The following ZNRF2 variants were observed in gnomAD, a reference collection of about 807,000 sequenced individuals.
ZNRF2 encodes the protein E3 ubiquitin-protein ligase ZNRF2.
In ZNRF2, 16 loss-of-function variants were observed where a neutral mutation model predicts 20.4. The ratio of observed to expected loss-of-function variants is 0.79; its 90% CI spans 0.53 to 1.19. ZNRF2 has a LOEUF of 1.19. Among genes scored for constraint, ZNRF2 ranks in the 50% most tolerant of loss-of-function variants. The pLI is 0.00. For synonymous variants in ZNRF2, 178 were observed against 144.9 expected (o/e 1.23, Z -1.64); for missense variants, 363 against 332.4 (o/e 1.09, Z -0.72).
intron 1 of ZNRF2, among the ~76,000 whole-genome samples, chr7:30,311,968 C>CA (rs1364243255): frequency 6.6e-6 from 1 of 152,008 alleles, no homozygotes; most frequent in African/African-American, 2.4e-5. Flanking sequence ...TTGACAATAA[C>CA]AAAAAATACT....
intron 2 of ZNRF2, among the ~76,000 whole-genome samples, chr7:30,342,390 G>A (rs1180185761): frequency 2.0e-5 from 3 of 152,072 alleles, no homozygotes; most frequent in South Asian, 4.1e-4. Flanking sequence ...CATATTTAGT[G>A]CTTCCTTCAG....
chr7:30,353,905 G>GT (rs1366340680), intron 2 of ZNRF2, among the ~76,000 whole-genome samples: 2 of 152,088 alleles, frequency 1.3e-5, no homozygotes, highest in Non-Finnish European at 2.9e-5. Context: ...GAAAAAATAC[G>GT]TAAGTGGTGA....
At chr7:30,352,416 T>C (rs141662686) in intron 2 of ZNRF2, among the ~76,000 whole-genome samples, 84 of 152,188 alleles carry the variant, frequency 5.5e-4, no homozygotes, top group African/African-American at 1.9e-3. Flanking sequence ...ATCATTGCTC[T>C]TTTCCAGTCT....
intron 1 of ZNRF2, among the ~76,000 whole-genome samples, chr7:30,295,398 T>TGTAC (rs1476116332): frequency 1.3e-5 from 2 of 152,174 alleles, no homozygotes; most frequent in African/African-American, 4.8e-5. Flanking sequence ...TTAGTTCCTC[T>TGTAC]GTACCTCCGT....
intron 1 of ZNRF2, among the ~76,000 whole-genome samples, chr7:30,301,199 G>C (rs1346234693): frequency 6.6e-6 from 1 of 152,100 alleles, no homozygotes; most frequent in Non-Finnish European, 1.5e-5. Flanking sequence ...AGCTAGGAAA[G>C]GGGCCAGGTG....
chr7:30,285,786 C>G lies in ZNRF2; in HGVS notation c.429C>G (p.Ile143Met). The G allele has an allele frequency of 2.0e-6, 3 of 1,514,622 alleles. No individual in the cohort carries two copies. Among genetic ancestry groups the G allele is most frequent in the Non-Finnish European group, 2.6e-6 (3 of 1,140,480 alleles). 93.8% of individuals were successfully genotyped at this position (1,514,622 alleles called of 1,614,324 possible). The change falls in exon 1 of 5, where the codon ATC becomes ATG. Residue 143 changes from isoleucine (I) to methionine (M), a missense_variant. Around this residue, in one of 2 missense-constraint regions of ZNRF2, gnomAD observed 302 missense variants for 231.5 expected, o/e 1.30. Coordinates refer to ENST00000323037, the MANE Select transcript of ZNRF2 (RefSeq NM_147128.4). ...GCCCCGGCGGGCCGCGCCTGGTGAT[C>G]GGCTCCTTACCAGCTCACCTCTCGC... is the stretch of plus-strand genomic sequence containing the variant. ...GGSPGGPRLV[I>M]GSLPAHLSPH...
At chr7:30,305,558 T>C (rs920644433) in intron 1 of ZNRF2, among the ~76,000 whole-genome samples, 1 of 152,176 alleles carries the variant, frequency 6.6e-6, no homozygotes, top group African/African-American at 2.4e-5. Context: ...ACCCAGAATT[T>C]ATCTTTCTTG....
At chr7:30,342,731 G>C (rs73687805) in intron 2 of ZNRF2, among the ~76,000 whole-genome samples, 1 of 152,000 alleles carries the variant, frequency 6.6e-6, no homozygotes. Flanking sequence ...TTTTTCAGCA[G>C]AAGTATACAA....
intron 1 of ZNRF2, among the ~76,000 whole-genome samples, chr7:30,288,183 C>T (rs535820154): frequency 1.3e-5 from 2 of 152,322 alleles, no homozygotes; most frequent in East Asian, 3.9e-4. Context: ...GACTAGTTCA[C>T]ATTTACTTAA....
rs1419517059 is a variant in ZNRF2, at chr7:30,295,074, T to A, written c.469+9248T>A. 5.3e-4 allele frequency among the ~76,000 whole-genome samples: 76 copies of A among 144,598 alleles called. 4 individuals are homozygous for A. The highest frequency in any genetic ancestry group is 1.6e-3 in the African/African-American group (61 of 37,014). The allele number at this position is 144,598 out of a possible 152,430, so 94.9% of individuals were successfully genotyped here. On this transcript the variant is annotated intron_variant, in intron 1 of 4. Coordinates refer to ENST00000323037, the MANE Select transcript of ZNRF2 (RefSeq NM_147128.4). Reference sequence around the variant, plus strand: ...GAGTGTGTGTGTGTGTGTGTGTGTGTGTGTGTGTGTGTGTGTGTGTGTGTG... The same window carrying A: ...GAGTGTGTGTGTGTGTGTGTGTGTGAGTGTGTGTGTGTGTGTGTGTGTGTG...
intron 3 of ZNRF2, among the ~76,000 whole-genome samples, chr7:30,357,274 G>A (rs73081555): frequency 9.2e-5 from 14 of 152,102 alleles, no homozygotes; most frequent in Non-Finnish European, 1.8e-4. Flanking sequence ...AAAGCAAATC[G>A]CAGCAAAGTA....
intron 2 of ZNRF2, among the ~76,000 whole-genome samples, chr7:30,339,354 C>G (rs1799761631): frequency 6.6e-6 from 1 of 152,178 alleles, no homozygotes; most frequent in South Asian, 2.1e-4. Flanking sequence ...TGCCGATGTT[C>G]TGAATGGTAT....
chr7:30,310,440 G>A (rs1015354694), intron 1 of ZNRF2, among the ~76,000 whole-genome samples: 2 of 152,140 alleles, frequency 1.3e-5, no homozygotes, highest in Non-Finnish European at 2.9e-5. Context: ...AAATATTTCA[G>A]GCTTTGCAGA....
Position 30,285,463 on chromosome 7 carries a change from G to A in ZNRF2, c.106G>A (p.Gly36Ser). 9 of 1,130,436 alleles carry A rather than the reference G, an allele frequency of 8.0e-6. No individual in the cohort carries two copies. The highest frequency in any genetic ancestry group is 9.8e-6 in the Non-Finnish European group (9 of 920,960). 70.0% of individuals were successfully genotyped at this position (1,130,436 alleles called of 1,614,324 possible). A position where few individuals can be genotyped will look rare whatever the true frequency, so the allele number is the denominator to read the frequency against. The change falls in exon 1 of 5, where the codon GGC becomes AGC. Residue 36 changes from glycine to serine, a missense_variant. By Grantham distance (56) the Gly-to-Ser change is moderately conservative (BLOSUM62 0). Around this residue, in one of 2 missense-constraint regions of ZNRF2, gnomAD observed 302 missense variants for 231.5 expected, o/e 1.30. Transcript: ENST00000323037. ...SSSGGANGTAGGGGGARAAAA... is the reference protein window; with the variant it reads ...SSSGGANGTASGGGGARAAAA... The stretch of plus-strand genomic sequence containing the variant: ...CAGCGGAGGCGCCAATGGGACCGCG[G>A]GCGGCGGCGGGGGCGCTCGGGCCGC...
chr7:30,324,370 C>T (rs1340279269), intron 2 of ZNRF2, among the ~76,000 whole-genome samples: 1 of 147,638 alleles, frequency 6.8e-6, no homozygotes, highest in Non-Finnish European at 1.5e-5. Context: ...CCCATCTCTA[C>T]TAAAAGAAAA....
intron 1 of ZNRF2, among the ~76,000 whole-genome samples, chr7:30,320,060 C>G (rs1002335116): frequency 1.6e-4 from 24 of 152,006 alleles, no homozygotes; most frequent in Non-Finnish European, 2.6e-4. Flanking sequence ...ATTTATTTAA[C>G]CACGAATTCT....
intron 1 of ZNRF2, among the ~76,000 whole-genome samples, chr7:30,286,415 G>T (rs1798791073): frequency 5.3e-5 from 8 of 152,202 alleles, no homozygotes; most frequent in African/African-American, 9.7e-5. Flanking sequence ...TGCTACTTAA[G>T]ATCACAGTTA....
chr7:30,336,863 G>A (rs1799722774), intron 2 of ZNRF2, among the ~76,000 whole-genome samples: 1 of 152,080 alleles, frequency 6.6e-6, no homozygotes, highest in African/African-American at 2.4e-5. Flanking sequence ...TGTAAAATCT[G>A]CATTTTTCTG....
rs1395963061 is a variant in ZNRF2 at position 30,285,553 on chromosome 7, G to GCGGCGGCCGCGGCGGCCCCGGCAGCCC, written c.205_231dup (p.Ala69_Ala77dup). ...CCAGCCCAGCGCCTCCGGCGGCGCC[G>GCGGCGGCCGCGGCGGCCCCGGCAGCCC]CGGCGGCCGCGGCGGCCCCGGCAGC... On this transcript the variant is annotated inframe_insertion, in exon 1 of 5. Transcript: ENST00000323037. 22 of 970,578 alleles carry GCGGCGGCCGCGGCGGCCCCGGCAGCCC rather than the reference G, an allele frequency of 2.3e-5. No homozygotes were observed. The highest frequency in any genetic ancestry group is 2.7e-5 in the Non-Finnish European group (22 of 822,320). 60.1% of individuals were successfully genotyped at this position (970,578 alleles called of 1,614,324 possible).
Sources: gnomAD v4.1 joint callset for allele counts (sites outside exome capture counted in the v4.1 genomes callset) on GRCh38, gnomAD v4.1.1 for gene constraint, gnomAD v4.1.1 regional missense constraint, MANE v1.5 for transcripts, NCBI Gene and HGNC (gene_info 2026-07-23, HGNC 2026-07-21) for gene names.